CDH13: variants seen among roughly 807,000 people sequenced by gnomAD.
The protein encoded by CDH13 is cadherin-13.
CDH13 carries 24 observed loss-of-function variants against 63.8 expected under a neutral mutation model. That is an observed-to-expected ratio of 0.38 (90% CI 0.27 to 0.53). The LOEUF (loss-of-function observed/expected upper bound fraction) is 0.53, where lower values mean the gene tolerates loss of function less well. CDH13 is among the 20% of genes least tolerant of loss of function. CDH13 has a pLI of 0.85. For synonymous variants in CDH13, 503 were observed against 355.3 expected, an observed-to-expected ratio of 1.42 and a Z score of -4.67; for missense variants, 1,049 against 903.1, an observed-to-expected ratio of 1.16 and a Z score of -2.07.
chr16:82,954,038 G>A (rs1451104101), intron 2 of CDH13: 1 of 152,054 alleles, frequency 6.6e-6, no homozygotes, highest in Non-Finnish European at 1.5e-5. Context: ...AGTTTATTTG[G>A]GAGGTAATGC....
chr16:83,312,104 G>T (rs568240861), intron 5 of CDH13, among the ~76,000 whole-genome samples: 2 of 149,752 alleles, frequency 1.3e-5, no homozygotes, highest in East Asian at 3.9e-4. Flanking sequence ...GGGAGACAGT[G>T]TGCCTCCACT....
chr16:82,971,028 C>A (rs1010762885), intron 2 of CDH13, among the ~76,000 whole-genome samples: 4 of 152,252 alleles, frequency 2.6e-5, no homozygotes, highest in African/African-American at 7.2e-5. Context: ...CCACCTATAT[C>A]CTTTCCTTTT....
intron 7 of CDH13, among the ~76,000 whole-genome samples, chr16:83,523,075 T>G (rs554297225): frequency 6.6e-6 from 1 of 152,316 alleles, no homozygotes; most frequent in East Asian, 1.9e-4. Context: ...ACCCCCGGCC[T>G]CCCTATTCCA....
chr16:83,512,942 C>T (rs559202908), intron 7 of CDH13, among the ~76,000 whole-genome samples: 2 of 151,866 alleles, frequency 1.3e-5, no homozygotes, highest in Non-Finnish European at 2.9e-5. Context: ...AACCTCTGAT[C>T]AAGCCCTGCA....
chr16:83,301,139 C>G (rs1284420196), intron 5 of CDH13, among the ~76,000 whole-genome samples: 1 of 145,676 alleles, frequency 6.9e-6, no homozygotes, highest in Non-Finnish European at 1.5e-5. Flanking sequence ...TCGAGCCATT[C>G]TCCTGCCTCA....
At chr16:82,844,016 G>A (rs2039143676) in intron 1 of CDH13, among the ~76,000 whole-genome samples, 1 of 152,130 alleles carries the variant, frequency 6.6e-6, no homozygotes, top group African/African-American at 2.4e-5. Context: ...TTTCCCTCTT[G>A]TAAGCTTCTC....
intron 2 of CDH13, among the ~76,000 whole-genome samples, chr16:82,869,595 T>A (rs2040273229): frequency 6.6e-6 from 1 of 152,160 alleles, no homozygotes; most frequent in South Asian, 2.1e-4. Flanking sequence ...ACTACAAAGC[T>A]ATAGTAACTA....
In CDH13 at chr16:82,717,914, A is replaced by G. The variant is rs930359738; in HGVS notation, c.45+90777A>G. Among the ~76,000 whole-genome samples the G allele has an allele frequency of 7.2e-5, 11 of 152,314 alleles. No homozygotes were observed. In the East Asian group the frequency reaches 2.1e-3, roughly 29 times the overall value. Reference sequence around the variant, plus strand: ...TCCCAAAATGCATGTGTCATCACAAACCAAGATGAGTTTCCTAAAAGAAAA... The same window carrying G: ...TCCCAAAATGCATGTGTCATCACAAGCCAAGATGAGTTTCCTAAAAGAAAA... On this transcript the variant is annotated intron_variant, in intron 1 of 13. Coordinates refer to ENST00000567109, the MANE Select transcript of CDH13 (RefSeq NM_001257.5).
At chr16:83,555,264 G>C (rs1309938937) in intron 7 of CDH13, among the ~76,000 whole-genome samples, 1 of 152,074 alleles carries the variant, frequency 6.6e-6, no homozygotes, top group Non-Finnish European at 1.5e-5. Context: ...AGGCATAGGG[G>C]TATCTTAGAA....
At chr16:82,912,835 T>C (rs977683336) in intron 2 of CDH13, among the ~76,000 whole-genome samples, 6 of 151,742 alleles carry the variant, frequency 4.0e-5, no homozygotes, top group South Asian at 2.1e-4. Flanking sequence ...CCCAGCTACT[T>C]GGGAGGCTGA....
intron 1 of CDH13, among the ~76,000 whole-genome samples, chr16:82,843,734 G>A (rs2039130866): frequency 1.3e-5 from 2 of 152,226 alleles, no homozygotes; most frequent in South Asian, 4.1e-4. Flanking sequence ...TGGCAGAGAA[G>A]AAAGTGTTGA....
chr16:83,133,680 G>C (rs920080411), intron 4 of CDH13, among the ~76,000 whole-genome samples: 3 of 152,062 alleles, frequency 2.0e-5, no homozygotes, highest in African/African-American at 7.2e-5. Flanking sequence ...TGTATTTTTG[G>C]TAGAGATGGG....
intron 8 of CDH13, among the ~76,000 whole-genome samples, chr16:83,626,152 A>T (rs1318905639): frequency 1.3e-5 from 2 of 152,126 alleles, no homozygotes; most frequent in East Asian, 1.9e-4. Context: ...CTGGGGCTAC[A>T]CAAGTTTGCT....
intron 4 of CDH13, among the ~76,000 whole-genome samples, chr16:83,214,163 G>C (rs2039424296): frequency 6.6e-6 from 1 of 152,130 alleles, no homozygotes; most frequent in East Asian, 1.9e-4. Context: ...CTGGCAGAGA[G>C]GGGTGAAGCA....
intron 7 of CDH13, among the ~76,000 whole-genome samples, chr16:83,542,824 C>G (rs529147381): frequency 6.6e-6 from 1 of 152,320 alleles, no homozygotes; most frequent in African/African-American, 2.4e-5. Flanking sequence ...TATAAGAACA[C>G]CAATCATATT....
intron 10 of CDH13, among the ~76,000 whole-genome samples, chr16:83,685,183 C>T (rs559342409): frequency 1.3e-5 from 2 of 152,212 alleles, no homozygotes; most frequent in East Asian, 1.9e-4. Context: ...CAGGGCCATA[C>T]CTAGCTGCAA....
intron 2 of CDH13, among the ~76,000 whole-genome samples, chr16:82,992,237 A>G (rs1911740377): frequency 6.6e-6 from 1 of 152,180 alleles, no homozygotes; most frequent in African/African-American, 2.4e-5. Context: ...CTGTTTCAGT[A>G]TCCTTATTTG....
chr16:82,785,457 A>C (rs1053836277), intron 1 of CDH13, among the ~76,000 whole-genome samples: 1 of 152,228 alleles, frequency 6.6e-6, no homozygotes, highest in Admixed American at 6.5e-5. Flanking sequence ...GACTTTGATT[A>C]GTATGCATAA....
At chr16:83,183,081 T>C (rs924476161) in intron 4 of CDH13, among the ~76,000 whole-genome samples, 2 of 152,236 alleles carry the variant, frequency 1.3e-5, no homozygotes, top group Admixed American at 6.5e-5. Context: ...TCCTTCTTTT[T>C]ATTATTATAA....
Sources: allele counts gnomAD v4.1 joint callset (sites outside exome capture counted in the v4.1 genomes callset), GRCh38; gene constraint gnomAD v4.1.1; transcripts MANE v1.5; gene names NCBI Gene and HGNC (gene_info 2026-07-23, HGNC 2026-07-21).